Variants in ROBO2 observed in about 807,000 individuals in gnomAD.
ROBO2 encodes roundabout guidance receptor 2.
A neutral mutation model predicts 160.8 loss-of-function variants in ROBO2; 53 were observed. The ratio of observed to expected loss-of-function variants is 0.33; its 90% CI spans 0.26 to 0.41. The LOEUF (loss-of-function observed/expected upper bound fraction) is 0.41, where lower values mean the gene tolerates loss of function less well. Among genes scored for constraint, ROBO2 ranks in the 10% least tolerant of loss-of-function variants. The pLI is 1.00. For missense variants in ROBO2, 1,577 were observed against 1,722.4 expected (o/e 0.92, Z 1.49); for synonymous variants, 664 against 611.7 (o/e 1.09, Z -1.26).
chr3:76,096,408 T>C (rs984210903), intron 2 of ROBO2, among the ~76,000 whole-genome samples: 1 of 152,156 alleles, frequency 6.6e-6, no homozygotes, highest in Non-Finnish European at 1.5e-5. Flanking sequence ...TACGGAGAAA[T>C]TGTGCTGTTA....
rs374602436 is a variant in ROBO2, at chr3:77,375,613, A to G, written c.389-101801A>G. On this transcript the variant is annotated intron_variant, in intron 2 of 25. Coordinates refer to ENST00000461745, the Ensembl canonical transcript of ROBO2. ...TCTTTACTATGAAACTATCTAAACTAGAAACATACTAGGGTTCAAGTTAAG... is the reference window on the plus strand; with the variant it reads ...TCTTTACTATGAAACTATCTAAACTGGAAACATACTAGGGTTCAAGTTAAG... 9.8e-5 allele frequency among the ~76,000 whole-genome samples: 15 copies of G among 152,296 alleles called. 1 individual carries two copies. Among genetic ancestry groups the G allele is most frequent in the African/African-American group, 3.4e-4 (14 of 41,568 alleles).
chr3:76,958,200 C>T (rs1404926056), intron 2 of ROBO2, among the ~76,000 whole-genome samples: 1 of 152,222 alleles, frequency 6.6e-6, no homozygotes. Flanking sequence ...AGAGCCACTT[C>T]ACTTATTTGC....
At chr3:77,370,246 T>A (rs1199333949) in intron 2 of ROBO2, among the ~76,000 whole-genome samples, 1 of 152,188 alleles carries the variant, frequency 6.6e-6, no homozygotes, top group Non-Finnish European at 1.5e-5. Context: ...CCTTAGATAG[T>A]TCTAGCCTTT....
intron 2 of ROBO2, among the ~76,000 whole-genome samples, chr3:76,352,178 C>A (rs1002012144): frequency 6.6e-6 from 1 of 151,918 alleles, no homozygotes; most frequent in East Asian, 1.9e-4. Flanking sequence ...GGTAGTCTTA[C>A]AAATGTGTAC....
chr3:76,821,526 T>C (rs931871135), intron 2 of ROBO2, among the ~76,000 whole-genome samples: 1 of 152,082 alleles, frequency 6.6e-6, no homozygotes, highest in African/African-American at 2.4e-5. Context: ...AATAGTTTTT[T>C]AACTAAAATC....
chr3:76,669,246 C>G (rs2092170511), intron 2 of ROBO2, among the ~76,000 whole-genome samples: 1 of 152,112 alleles, frequency 6.6e-6, no homozygotes, highest in African/African-American at 2.4e-5. Flanking sequence ...GGCATTGCAG[C>G]TGTTTCAGGG....
chr3:76,586,049 G>T (rs1313637187), intron 2 of ROBO2, among the ~76,000 whole-genome samples: 1 of 152,124 alleles, frequency 6.6e-6, no homozygotes, highest in Non-Finnish European at 1.5e-5. Context: ...ATTCAACAGT[G>T]AATTAGAGGT....
intron 2 of ROBO2, among the ~76,000 whole-genome samples, chr3:76,934,055 TA>T (rs112390149): frequency 0.24 from 36,736 of 152,100 alleles, 4,829 homozygotes; most frequent in African/African-American, 0.33. Context: ...AGTTCAGCTC[TA>T]AAAGCTTTTG....
At position 77,446,398 on chromosome 3, in the gene ROBO2, A is replaced by G. The variant is rs538578355; in HGVS notation, c.389-31016A>G. Among the ~76,000 whole-genome samples, 11 of 152,218 alleles carry G rather than the reference A, an allele frequency of 7.2e-5. No individual in the cohort carries two copies. The South Asian group carries it at 2.3e-3, about 32-fold the overall frequency. On this transcript the variant is annotated intron_variant, in intron 2 of 25. Coordinates refer to ENST00000461745, the Ensembl canonical transcript of ROBO2. ...AACAATTTGAAAGGATATTAAGACTACTATACCACTCAGCTCCATGCTTGA... is the reference window on the plus strand; with the variant it reads ...AACAATTTGAAAGGATATTAAGACTGCTATACCACTCAGCTCCATGCTTGA...
At chr3:77,133,801 G>T (rs916346531) in intron 2 of ROBO2, among the ~76,000 whole-genome samples, 1 of 152,148 alleles carries the variant, frequency 6.6e-6, no homozygotes, top group Admixed American at 6.5e-5. Flanking sequence ...TACCATATTT[G>T]TTTGTTATAT....
At chr3:77,220,701 T>G (rs2085667058) in intron 2 of ROBO2, among the ~76,000 whole-genome samples, 1 of 152,156 alleles carries the variant, frequency 6.6e-6, no homozygotes, top group Non-Finnish European at 1.5e-5. Flanking sequence ...AAGTTATAAA[T>G]AAACTTTCAT....
rs11920897 is a variant in ROBO2, at chr3:76,980,576, C to T, written c.110-117438C>T. 5.4e-3 allele frequency among the ~76,000 whole-genome samples: 825 copies of T among 152,158 alleles called. 6 individuals are homozygous for T. The highest frequency in any genetic ancestry group is 0.019 in the African/African-American group (792 of 41,496). On this transcript the variant is annotated intron_variant, in intron 2 of 26. Coordinates refer to the ROBO2 transcript ENST00000487694. ...ATACAAGTAAAATAAAATATCTTTT[C>T]TCTTAATATATTGACAACTTGAACT...
intron 2 of ROBO2, among the ~76,000 whole-genome samples, chr3:76,851,609 C>T (rs1354617450): frequency 6.7e-6 from 1 of 149,900 alleles, no homozygotes. Flanking sequence ...GTGGCGGGCG[C>T]CTGTAGTCCC....
intron 2 of ROBO2, among the ~76,000 whole-genome samples, chr3:77,174,740 C>T (rs1457247856): frequency 1.3e-5 from 2 of 151,962 alleles, no homozygotes; most frequent in Admixed American, 1.3e-4. Flanking sequence ...GCTACTTTTT[C>T]AGTCTCATTC....
intron 2 of ROBO2, among the ~76,000 whole-genome samples, chr3:76,900,526 A>G (rs944875044): frequency 6.6e-6 from 1 of 152,166 alleles, no homozygotes; most frequent in Non-Finnish European, 1.5e-5. Context: ...AGACTCTAGA[A>G]GATTCTTTTC....
At chr3:77,295,305 T>G (rs181555148) in intron 2 of ROBO2, among the ~76,000 whole-genome samples, 1 of 145,832 alleles carries the variant, frequency 6.9e-6, no homozygotes, top group East Asian at 2.0e-4. Flanking sequence ...TTAAGTAAAA[T>G]TGACGGCTAA....
At chr3:76,984,795 C>T (rs1303862537) in intron 2 of ROBO2, among the ~76,000 whole-genome samples, 2 of 151,524 alleles carry the variant, frequency 1.3e-5, no homozygotes. Context: ...AATGAAGGGA[C>T]AAAAAGTTTG....
intron 2 of ROBO2, among the ~76,000 whole-genome samples, chr3:76,063,486 A>ACC (rs1290659116): frequency 2.6e-5 from 4 of 151,764 alleles, no homozygotes; most frequent in Admixed American, 2.6e-4. Context: ...CTGGGACTAC[A>ACC]GGTGTTGCCA....
chr3:76,164,118 A>G (rs2072739692), intron 2 of ROBO2, among the ~76,000 whole-genome samples: 1 of 152,202 alleles, frequency 6.6e-6, no homozygotes, highest in East Asian at 1.9e-4. Context: ...CAGCATTTTC[A>G]CCATGAATAG....
Sources: allele counts gnomAD v4.1 joint callset (sites outside exome capture counted in the v4.1 genomes callset), GRCh38; gene constraint gnomAD v4.1.1; transcripts MANE v1.5; gene names NCBI Gene and HGNC (gene_info 2026-07-23, HGNC 2026-07-21).